Variants in KCTD16 observed in about 807,000 individuals in gnomAD.
The protein encoded by KCTD16 is BTB/POZ domain-containing protein KCTD16.
In KCTD16, 13 loss-of-function variants were observed where a neutral mutation model predicts 33.2. That is an observed-to-expected ratio of 0.39 (90% CI 0.25 to 0.62). The LOEUF is 0.62. KCTD16 is among the 20% of genes least tolerant of loss of function. The pLI is 0.50. For synonymous variants in KCTD16, 197 were observed against 195.3 expected (o/e 1.01, Z -0.07); for missense variants, 441 against 525.1 (o/e 0.84, Z 1.57).
intron 3 of KCTD16, among the ~76,000 whole-genome samples, chr5:144,225,907 A>G (rs960910745): frequency 2.6e-4 from 39 of 152,218 alleles, no homozygotes; most frequent in African/African-American, 8.9e-4. Context: ...AAGCCTAGCT[A>G]TTATAGCAGC....
intron 3 of KCTD16, among the ~76,000 whole-genome samples, chr5:144,417,561 G>A (rs896269080): frequency 1.3e-5 from 2 of 152,056 alleles, no homozygotes; most frequent in East Asian, 3.9e-4. Flanking sequence ...TCTGTAAATT[G>A]TCATTTCATT....
At chr5:144,330,588 C>G (rs1484940427) in intron 3 of KCTD16, among the ~76,000 whole-genome samples, 1 of 151,590 alleles carries the variant, frequency 6.6e-6, no homozygotes, top group African/African-American at 2.4e-5. Flanking sequence ...CATTTAATTC[C>G]TACTTCTTAA....
chr5:144,414,127 A>G (rs763601431), intron 3 of KCTD16, among the ~76,000 whole-genome samples: 15 of 152,190 alleles, frequency 9.9e-5, no homozygotes, highest in Non-Finnish European at 1.9e-4. Context: ...AGATAAGTAA[A>G]TATTCAGAAA....
chr5:144,444,544 T>A (rs1030716922), intron 3 of KCTD16, among the ~76,000 whole-genome samples: 1 of 152,026 alleles, frequency 6.6e-6, no homozygotes, highest in East Asian at 1.9e-4. Flanking sequence ...ATGTTTTTTT[T>A]AAAAGATGCC....
intron 3 of KCTD16, among the ~76,000 whole-genome samples, chr5:144,328,920 G>A (rs970211211): frequency 2.0e-5 from 3 of 148,892 alleles, no homozygotes; most frequent in Non-Finnish European, 3.0e-5. Flanking sequence ...GATGCCAATC[G>A]TTCTTGGTTC....
chr5:144,399,634 A>G (rs1010256863), intron 3 of KCTD16, among the ~76,000 whole-genome samples: 3 of 152,240 alleles, frequency 2.0e-5, no homozygotes, highest in African/African-American at 2.4e-5. Context: ...TCCATGAAAT[A>G]CATTCATTGT....
intron 3 of KCTD16, among the ~76,000 whole-genome samples, chr5:144,229,650 G>T (rs964655341): frequency 1.3e-5 from 2 of 152,184 alleles, no homozygotes; most frequent in African/African-American, 2.4e-5. Flanking sequence ...AGCTAGGAGA[G>T]GGTAGACTGG....
chr5:144,454,304 A>C (rs1285706178), intron 3 of KCTD16, among the ~76,000 whole-genome samples: 2 of 152,194 alleles, frequency 1.3e-5, no homozygotes, highest in Non-Finnish European at 2.9e-5. Context: ...TCATAGAACC[A>C]GAAACACCCA....
intron 3 of KCTD16, among the ~76,000 whole-genome samples, chr5:144,319,481 ACT>A (rs1298250556): frequency 1.3e-5 from 2 of 152,102 alleles, no homozygotes; most frequent in African/African-American, 4.8e-5. Flanking sequence ...AGCTCAATTA[ACT>A]CTGCTGTGAT....
rs545228562 is a variant in KCTD16 at position 144,478,943 on chromosome 5, T to C, written c.*4829T>C. ...TGTATGTGTATGTGTATGGGTTTTT[T>C]CCCAAAATAAAAGCCTGCATTATTA... On this transcript the variant is annotated 3_prime_UTR_variant, in exon 4 of 4. Transcript: ENST00000512467. 1.3e-5 allele frequency: 2 copies of C among 151,890 alleles called. No homozygotes were observed. The highest frequency in any genetic ancestry group is 4.1e-4 in the South Asian group (2 of 4,830). 9.4% of individuals were successfully genotyped at this position (151,890 alleles called of 1,614,324 possible).
At chr5:144,229,343 G>T (rs956724964) in intron 3 of KCTD16, among the ~76,000 whole-genome samples, 2 of 152,114 alleles carry the variant, frequency 1.3e-5, no homozygotes, top group African/African-American at 4.8e-5. Flanking sequence ...AAGGGTTTTT[G>T]GAATCTGGTA....
In KCTD16 at chr5:144,339,796, G is replaced by A. The variant is rs369370578; in HGVS notation, c.832+132250G>A. Reference sequence around the variant, plus strand: ...ATGTCTATATGAAATACTTTGCTAAGTGCTAGGGCTACAATAAAATACGCA... The same window carrying A: ...ATGTCTATATGAAATACTTTGCTAAATGCTAGGGCTACAATAAAATACGCA... On this transcript the variant is annotated intron_variant, in intron 3 of 3. Coordinates refer to ENST00000512467, the MANE Select transcript of KCTD16 (RefSeq NM_020768.4). Among the ~76,000 whole-genome samples, 6 of 152,010 alleles carry A rather than the reference G, an allele frequency of 3.9e-5. No homozygotes were observed. In the East Asian group the frequency reaches 1.2e-3, roughly 29 times the overall value.
At chr5:144,226,164 A>T (rs967613956) in intron 3 of KCTD16, among the ~76,000 whole-genome samples, 1 of 152,222 alleles carries the variant, frequency 6.6e-6, no homozygotes, top group African/African-American at 2.4e-5. Flanking sequence ...ATACTGTGGT[A>T]AGTGCTTTGC....
chr5:144,300,616 A>G (rs1452788152), intron 3 of KCTD16, among the ~76,000 whole-genome samples: 3 of 152,194 alleles, frequency 2.0e-5, no homozygotes, highest in African/African-American at 4.8e-5. Context: ...CACAGAGATC[A>G]TGGTAATTAT....
At chr5:144,372,043 G>T (rs1303528339) in intron 3 of KCTD16, among the ~76,000 whole-genome samples, 2 of 152,050 alleles carry the variant, frequency 1.3e-5, no homozygotes, top group African/African-American at 4.8e-5. Context: ...TTAAGGATTA[G>T]GCCAGTCTTA....
intron 1 of KCTD16, among the ~76,000 whole-genome samples, chr5:144,173,800 T>C (rs1021774697): frequency 6.6e-6 from 1 of 152,224 alleles, no homozygotes; most frequent in Admixed American, 6.5e-5. Context: ...TATTGTTTAT[T>C]TGACTTTGAA....
rs1754729478 is a variant in KCTD16, at chr5:144,482,751, G to A, written c.*8637G>A. ...GTTTTGTGTTTATGTATAAAATTAT[G>A]TATATATATGTACATATGTGTGTAC... On this transcript the variant is annotated 3_prime_UTR_variant, in exon 4 of 4. Transcript: ENST00000512467. 1 of 151,524 alleles carries A rather than the reference G, an allele frequency of 6.6e-6. No homozygotes were observed. The highest frequency in any genetic ancestry group is 1.5e-5 in the Non-Finnish European group (1 of 67,792). The allele number at this position is 151,524 out of a possible 1,614,324, so 9.4% of individuals were successfully genotyped here. A position where few individuals can be genotyped will look rare whatever the true frequency, so the allele number is the denominator to read the frequency against.
intron 3 of KCTD16, among the ~76,000 whole-genome samples, chr5:144,366,977 G>A (rs1283410856): frequency 1.3e-5 from 2 of 152,150 alleles, no homozygotes; most frequent in South Asian, 2.1e-4. Flanking sequence ...CATGGCCTCT[G>A]CCTCCCTAAG....
At chr5:144,267,391 A>G (rs1272218314) in intron 3 of KCTD16, among the ~76,000 whole-genome samples, 2 of 152,128 alleles carry the variant, frequency 1.3e-5, no homozygotes, top group Non-Finnish European at 2.9e-5. Context: ...CACATAGGGA[A>G]AGACTGGGGC....
Sources: gnomAD v4.1 joint callset for allele counts (sites outside exome capture counted in the v4.1 genomes callset) on GRCh38, gnomAD v4.1.1 for gene constraint, MANE v1.5 for transcripts, NCBI Gene and HGNC (gene_info 2026-07-23, HGNC 2026-07-21) for gene names.